KARS1: variants seen among roughly 807,000 people sequenced by gnomAD.
The protein encoded by KARS1 is lysine--tRNA ligase.
KARS1 carries 50 observed loss-of-function variants against 63.9 expected under a neutral mutation model. The ratio of observed to expected loss-of-function variants is 0.78; its 90% confidence interval spans 0.62 to 0.99. The LOEUF (loss-of-function observed/expected upper bound fraction) is 0.99. KARS1 is among the 50% of genes least tolerant of loss of function. KARS1 has a pLI of 0.00. For missense variants in KARS1, 816 were observed against 754.5 expected (o/e 1.08, Z -0.95); for synonymous variants, 320 against 264.6 (o/e 1.21, Z -2.03).
intron 1 of KARS1, 136 bp from the exon 2 acceptor site, chr16:75,641,859 C>T (rs1156859669): frequency 1.2e-6 from 1 of 831,984 alleles, no homozygotes; most frequent in Non-Finnish European, 2.0e-6. Context: ...CAATTCCACA[C>T]CCACAGCTCA....
At chr16:75,631,290 C>T in intron 9 of KARS1, 37 bp from the exon 10 acceptor site, 1 of 1,592,692 alleles carries the variant, frequency 6.3e-7, no homozygotes, top group Non-Finnish European at 8.6e-7. Flanking sequence ...CAGGAGACAT[C>T]ACACTAGCCA....
At chr16:75,634,891 T>C (rs2082147068) in intron 6 of KARS1, among the ~76,000 whole-genome samples, 1 of 152,184 alleles carries the variant, frequency 6.6e-6, no homozygotes, top group African/African-American at 2.4e-5. Context: ...CCAGTATTTA[T>C]TAAAAATTTA....
chr16:75,637,492 G>A (rs908607729), intron 3 of KARS1, among the ~76,000 whole-genome samples: 1 of 151,946 alleles, frequency 6.6e-6, no homozygotes, highest in East Asian at 1.9e-4. Context: ...AGATCTAAAG[G>A]AGGCCAGGTG....
intron 11 of KARS1, among the ~76,000 whole-genome samples, 168 bp from the exon 12 acceptor site, chr16:75,629,709 C>A (rs995328583): frequency 1.3e-5 from 2 of 152,212 alleles, no homozygotes; most frequent in African/African-American, 4.8e-5. Context: ...AAGCACTTCT[C>A]CTGCCTCAGC....
intron 6 of KARS1, among the ~76,000 whole-genome samples, chr16:75,634,559 T>C (rs147029461): frequency 3.1e-4 from 47 of 152,326 alleles, no homozygotes; most frequent in Non-Finnish European, 5.9e-4. Flanking sequence ...TAGCCTTTCT[T>C]GAGTTCAATT....
intron 2 of KARS1, 93 bp from the exon 3 acceptor site, chr16:75,640,442 G>A: frequency 8.6e-7 from 1 of 1,162,550 alleles, no homozygotes; most frequent in South Asian, 1.2e-5. Context: ...CTGCCCCCGA[G>A]TGACCCCAAT....
At chr16:75,647,492 ACAGCAG>A in intron 1 of KARS1, 80 bp downstream of exon 1, 1 of 1,276,818 alleles carries the variant, frequency 7.8e-7, no homozygotes, top group Non-Finnish European at 1.1e-6. Context: ...AGGCCCCGGC[ACAGCAG>A]CCTTGGTGGG....
intron 7 of KARS1, among the ~76,000 whole-genome samples, chr16:75,633,174 T>G (rs1860949514): frequency 6.6e-6 from 1 of 152,196 alleles, no homozygotes; most frequent in South Asian, 2.1e-4. Flanking sequence ...CTATACTAAA[T>G]AAATGCCTGG....
intron 1 of KARS1, chr16:75,644,184 A>G (rs2082255202): frequency 9.2e-7 from 1 of 1,082,572 alleles, no homozygotes; most frequent in Admixed American, 2.3e-5. Context: ...TTTCCTTAGC[A>G]ACAAGTCCAA....
chr16:75,630,241 CA>C (rs1372478735), intron 11 of KARS1, among the ~76,000 whole-genome samples, 181 bp downstream of exon 11: 1 of 152,114 alleles, frequency 6.6e-6, no homozygotes. Context: ...GTGGAGTGAC[CA>C]CGTGGAGGAG....
At chr16:75,636,362 C>T (rs2082161604) in intron 4 of KARS1, 92 bp downstream of exon 4, 2 of 931,756 alleles carry the variant, frequency 2.1e-6, no homozygotes, top group South Asian at 1.3e-5. Context: ...CCTTCTTACT[C>T]TAACTTCAAA....
In KARS1 at chr16:75,628,876, C is replaced by A. The variant is rs969266815; in HGVS notation, c.1552-164G>T. ...TTTCCTAGTAACTCCAAGATGCAGCCGTTTCTTTCAAAGACCTGGAGGTCA... is the reference window on the plus strand; with the variant it reads ...TTTCCTAGTAACTCCAAGATGCAGCAGTTTCTTTCAAAGACCTGGAGGTCA... On this transcript the variant is annotated intron_variant, in intron 12 of 13. Transcript: ENST00000302445. 10 of 751,316 alleles carry A rather than the reference C, an allele frequency of 1.3e-5. No homozygotes were observed. The African/African-American group carries it at 1.6e-4, about 12-fold the overall frequency. The allele number at this position is 751,316 out of a possible 1,614,324, so 46.5% of individuals were successfully genotyped here.
At chr16:75,632,524 G>A (rs555471128) in intron 7 of KARS1, among the ~76,000 whole-genome samples, 1 of 152,266 alleles carries the variant, frequency 6.6e-6, no homozygotes, top group South Asian at 2.1e-4. Context: ...AAAAGATGTG[G>A]GTATTGCATA....
intron 13 of KARS1, 138 bp from the exon 14 acceptor site, chr16:75,628,131 G>A (rs2082071547): frequency 1.4e-6 from 1 of 709,166 alleles, no homozygotes; most frequent in Admixed American, 2.0e-5. Context: ...AGGCTCATGT[G>A]TTCTTTTATT....
chr16:75,638,026 C>T (rs1002932739), intron 3 of KARS1, among the ~76,000 whole-genome samples: 3 of 151,522 alleles, frequency 2.0e-5, no homozygotes, highest in African/African-American at 4.9e-5. Flanking sequence ...ACTGGAAAAA[C>T]GAAACCGTGC....
chr16:75,647,400 G>GC (rs2082299360), intron 1 of KARS1, 178 bp downstream of exon 1: 6 of 686,840 alleles, frequency 8.7e-6, no homozygotes, highest in Non-Finnish European at 1.6e-5. Flanking sequence ...GAGCCGGCGT[G>GC]CCCGGGGTAT....
At chr16:75,628,762 G>A (rs755550385) in intron 12 of KARS1, 50 bp from the exon 13 acceptor site, 2 of 1,597,916 alleles carry the variant, frequency 1.3e-6, no homozygotes, top group South Asian at 2.2e-5. Context: ...AGATATCTCA[G>A]TGTGTGAGTG....
At chr16:75,647,231 A>G (rs755086378) in intron 1 of KARS1, among the ~76,000 whole-genome samples, 6 of 152,240 alleles carry the variant, frequency 3.9e-5, no homozygotes, top group Non-Finnish European at 7.3e-5. Context: ...GAGTGGCTCA[A>G]CAAAAGAATG....
intron 11 of KARS1, among the ~76,000 whole-genome samples, chr16:75,629,824 A>C (rs2082092110): frequency 6.6e-6 from 1 of 152,220 alleles, no homozygotes; most frequent in Non-Finnish European, 1.5e-5. Flanking sequence ...TCTAACGATC[A>C]AACATCTAAT....
Sources: gnomAD v4.1 joint callset for allele counts (sites outside exome capture counted in the v4.1 genomes callset) on GRCh38, gnomAD v4.1.1 for gene constraint, MANE v1.5 for transcripts, NCBI Gene and HGNC (gene_info 2026-07-23, HGNC 2026-07-21) for gene names.